The following TACC2 variants were observed in gnomAD, a reference collection of about 807,000 sequenced individuals.
TACC2 encodes transforming acidic coiled-coil containing protein 2.
A neutral mutation model predicts 227.3 loss-of-function variants in TACC2; 137 were observed. The ratio of observed to expected loss-of-function variants is 0.60; its 90% CI spans 0.52 to 0.69. TACC2 has a LOEUF of 0.69. Among genes scored for constraint, TACC2 ranks in the 30% least tolerant of loss-of-function variants. The pLI is 0.00. For synonymous variants in TACC2, 1,523 were observed against 1,487.5 expected (o/e 1.02, Z -0.55); for missense variants, 3,470 against 3,694.4 (o/e 0.94, Z 1.57).
rs2075546984 is a variant in TACC2 at position 122,050,450 on chromosome 10, G to T, written c.46G>T (p.Ala16Ser). ...STSDNQRTLSAQTPRSAQPPG... is the reference protein window; with the variant it reads ...STSDNQRTLSSQTPRSAQPPG... ...TCTCCTGGCTCAGAGGACTTTATCA[G>T]CTCAGACTCCAAGGTCCGCGCAGCC... Residue 16 changes from alanine to serine, a missense_variant, in exon 3 of 23, where the codon GCT (alanine) becomes TCT (serine). Ala to Ser is a moderately conservative substitution (Grantham distance 99, BLOSUM62 1). Coordinates refer to ENST00000369005, the MANE Select transcript of TACC2 (RefSeq NM_206862.4). The surrounding 1 kb of genome is among the most constrained non-coding windows in gnomAD (Gnocchi z 4.6). 6.2e-7 allele frequency: 1 copy of T among 1,613,798 alleles called. No homozygotes were observed. The highest frequency in any genetic ancestry group is 1.3e-5 in the African/African-American group (1 of 74,884).
chr10:122,139,841 G>A (rs1347852818), intron 6 of TACC2, among the ~76,000 whole-genome samples: 1 of 152,214 alleles, frequency 6.6e-6, no homozygotes, highest in African/African-American at 2.4e-5. Flanking sequence ...CCTGCACCTT[G>A]GGGGCTGTTA....
Position 122,150,629 on chromosome 10 carries a change from G to A in TACC2, c.5834+6923G>A, listed in dbSNP as rs1426002199. Among the ~76,000 whole-genome samples the A allele has an allele frequency of 6.6e-6, 1 of 152,220 alleles. No homozygotes were observed. Among genetic ancestry groups the A allele is most frequent in the Non-Finnish European group, 1.5e-5 (1 of 68,034 alleles). On this transcript the variant is annotated intron_variant, in intron 7 of 22. Transcript: ENST00000369005. The surrounding 1 kb of genome is among the most constrained non-coding windows in gnomAD (Gnocchi z 4.0). ...GTGGAGAAATAGACCCCCAAACCAA[G>A]GGAGGCAGGGCCCAGGGAGGTGGGG...
At chr10:122,191,962 C>T (rs2094426260) in intron 7 of TACC2, among the ~76,000 whole-genome samples, 1 of 152,190 alleles carries the variant, frequency 6.6e-6, no homozygotes, top group South Asian at 2.1e-4. Flanking sequence ...TTTTTATGTA[C>T]AGACTCGTTG....
intron 3 of TACC2, among the ~76,000 whole-genome samples, chr10:122,057,190 T>G (rs932183870): frequency 6.6e-6 from 1 of 152,102 alleles, no homozygotes; most frequent in Non-Finnish European, 1.5e-5. Flanking sequence ...AGACTCCGTC[T>G]CAAACATAAA....
chr10:122,249,766 T>G, intron 22 of TACC2, 102 bp downstream of exon 22: 1 of 1,387,022 alleles, frequency 7.2e-7, no homozygotes, highest in Non-Finnish European at 9.7e-7. Flanking sequence ...CCACTGCTGC[T>G]CCTGAAGACG....
At chr10:122,248,863 C>T in intron 20 of TACC2, 60 bp downstream of exon 20, 1 of 1,600,588 alleles carries the variant, frequency 6.2e-7, no homozygotes, top group Non-Finnish European at 8.6e-7. Context: ...ATTGTGGGAG[C>T]ACTGGGAGGG....
At chr10:122,043,431 A>G (rs926714963) in intron 2 of TACC2, among the ~76,000 whole-genome samples, 95 of 150,772 alleles carry the variant, frequency 6.3e-4, no homozygotes, top group African/African-American at 2.3e-3. Flanking sequence ...GTCTCTTTTT[A>G]TAATTAGATT....
rs199691186 is a variant in TACC2, at chr10:122,085,790, A to G, written c.3290A>G (p.Gln1097Arg). 2.5e-5 allele frequency: 41 copies of G among 1,613,576 alleles called. No homozygotes were observed. The highest frequency in any genetic ancestry group is 3.0e-5 in the Non-Finnish European group (35 of 1,179,826). Residue 1097 changes from glutamine (Q) to arginine (R), a missense_variant, in exon 4 of 23, where the codon CAG becomes CGG. Around this residue, in one of 10 missense-constraint regions of TACC2, gnomAD observed 1,924 missense variants for 1,978.3 expected, o/e 0.97. Coordinates refer to ENST00000369005, the MANE Select transcript of TACC2 (RefSeq NM_206862.4). Reference sequence around the variant, plus strand: ...AGGCAGCAACCAGTGCCGGCCCCGCAGCAGAAAATGGAGTGCTGGGCCACT... The same window carrying G: ...AGGCAGCAACCAGTGCCGGCCCCGCGGCAGAAAATGGAGTGCTGGGCCACT... ...EGRQQPVPAPQQKMECWATSD... is the reference protein window; with the variant it reads ...EGRQQPVPAPRQKMECWATSD...
At chr10:122,177,560 A>G (rs1324839616) in intron 7 of TACC2, among the ~76,000 whole-genome samples, 1 of 152,090 alleles carries the variant, frequency 6.6e-6, no homozygotes, top group Non-Finnish European at 1.5e-5. Context: ...AGCCTGGGTA[A>G]CATAGTGAGA....
intron 2 of TACC2, among the ~76,000 whole-genome samples, chr10:122,045,582 A>T (rs2074878340): frequency 6.6e-6 from 1 of 152,388 alleles, no homozygotes; most frequent in Non-Finnish European, 1.5e-5. Flanking sequence ...TCGTAGCAGA[A>T]AGAGAGCTAT....
chr10:122,073,059 G>C (rs2078278684), intron 3 of TACC2, among the ~76,000 whole-genome samples: 1 of 130,392 alleles, frequency 7.7e-6, no homozygotes, highest in African/African-American at 2.9e-5. Flanking sequence ...CTTGCAGTGA[G>C]CCAAGATCAC....
rs2095589903 is a variant in TACC2 at position 122,224,710 on chromosome 10, GT to G, written c.7547-11del. 1 of 1,612,966 alleles carries G rather than the reference GT, an allele frequency of 6.2e-7. No individual in the cohort carries two copies. The highest frequency in any genetic ancestry group is 1.1e-5 in the South Asian group (1 of 91,008). ...CTTTTGTTTTTTTGTGTTTGTGTTTGTTTTTGTTTTTGCAGAGTTGGATTAC... is the reference window on the plus strand; with the variant it reads ...CTTTTGTTTTTTTGTGTTTGTGTTTGTTTTGTTTTTGCAGAGTTGGATTAC... On this transcript the variant is annotated splice_polypyrimidine_tract_variant and intron_variant, in intron 11 of 22. Transcript: ENST00000369005.
At chr10:122,042,161 G>T (rs1189861991) in intron 2 of TACC2, among the ~76,000 whole-genome samples, 1 of 152,136 alleles carries the variant, frequency 6.6e-6, no homozygotes, top group East Asian at 1.9e-4. Context: ...TAGCCAGGAT[G>T]GTCTCAATCT....
intron 9 of TACC2, 96 bp from the exon 10 acceptor site, chr10:122,215,295 G>A: frequency 8.9e-7 from 1 of 1,118,818 alleles, no homozygotes; most frequent in Non-Finnish European, 1.4e-6. Context: ...TGGGCCAGAT[G>A]GCTCCGCAGA....
chr10:122,217,865 C>T (rs574570292), intron 11 of TACC2, among the ~76,000 whole-genome samples: 27 of 152,300 alleles, frequency 1.8e-4, no homozygotes, highest in African/African-American at 6.3e-4. Context: ...CCAGCCACCT[C>T]TGTGAGGCTG....
intron 3 of TACC2, among the ~76,000 whole-genome samples, chr10:122,073,027 C>G (rs541671552): frequency 9.7e-5 from 14 of 144,852 alleles, no homozygotes; most frequent in Admixed American, 8.5e-4. Context: ...GCAGGAGAAT[C>G]GCTTGAACCC....
At chr10:122,198,427 C>T (rs1320962223) in intron 8 of TACC2, among the ~76,000 whole-genome samples, 3 of 152,142 alleles carry the variant, frequency 2.0e-5, no homozygotes, top group Admixed American at 6.5e-5. Flanking sequence ...GTACAGTGAC[C>T]GTGTTATTAG....
rs1955420616 is a variant in TACC2 at position 122,008,103 on chromosome 10, T to C, written c.-45-13834T>C. 2.0e-5 allele frequency among the ~76,000 whole-genome samples: 3 copies of C among 151,926 alleles called. No individual in the cohort carries two copies. In the Admixed American group the frequency reaches 2.0e-4, roughly 10 times the overall value. On this transcript the variant is annotated intron_variant, in intron 1 of 22. Transcript: ENST00000369005. ...TTTGTATCACAAATTACCCAGTCTA[T>C]AGTATTCTGTTATAGGAACAGAAGA... is the stretch of plus-strand genomic sequence containing the variant.
At chr10:122,233,300 A>T (rs186325455) in intron 16 of TACC2, among the ~76,000 whole-genome samples, 204 of 152,232 alleles carry the variant, frequency 1.3e-3, no homozygotes, top group African/African-American at 4.6e-3. Context: ...GTCAGATAGA[A>T]CCTGAATGTT....
Sources: gnomAD v4.1 joint callset for allele counts (sites outside exome capture counted in the v4.1 genomes callset) on GRCh38, gnomAD v4.1.1 for gene constraint, gnomAD v4.1.1 regional missense constraint, Gnocchi (gnomAD v3.1) non-coding constraint, MANE v1.5 for transcripts, NCBI Gene and HGNC (gene_info 2026-07-23, HGNC 2026-07-21) for gene names.